Variants in ADAM32 observed in about 807,000 individuals in gnomAD.
ADAM32 encodes the protein disintegrin and metalloproteinase domain-containing protein 32.
Under a neutral mutation model 114.9 loss-of-function variants are expected in ADAM32, and 89 were observed. The ratio of observed to expected loss-of-function variants is 0.77; its 90% CI spans 0.65 to 0.92. The LOEUF (loss-of-function observed/expected upper bound fraction) is 0.92. ADAM32 is among the 40% of genes least tolerant of loss of function. ADAM32 has a pLI of 0.00. For missense variants in ADAM32, 870 were observed against 932.8 expected (o/e 0.93, Z 0.88); for synonymous variants, 285 against 307.5 (o/e 0.93, Z 0.77).
intron 5 of ADAM32, 132 bp from the exon 6 acceptor site, chr8:39,151,245 C>A: frequency 1.4e-6 from 1 of 725,136 alleles, no homozygotes; most frequent in Non-Finnish European, 2.1e-6. Flanking sequence ...TCTTCAGAGT[C>A]ATCTCTAAGA....
chr8:39,272,387 G>A (rs1017101552), intron 20 of ADAM32, among the ~76,000 whole-genome samples: 6 of 152,020 alleles, frequency 3.9e-5, no homozygotes, highest in Admixed American at 1.3e-4. Flanking sequence ...GAAATGCACC[G>A]TTAGGTGATT....
chr8:39,144,544 G>A (rs1409480462), intron 3 of ADAM32, among the ~76,000 whole-genome samples: 3 of 152,190 alleles, frequency 2.0e-5, no homozygotes, highest in Non-Finnish European at 4.4e-5. Context: ...TCCCACAGGG[G>A]GAAATATCCT....
chr8:39,111,720 C>CAAAAAAAAAAAAAAAAAAAAAAGAA (rs1840166990), intron 1 of ADAM32, among the ~76,000 whole-genome samples: 1 of 78,300 alleles, frequency 1.3e-5, no homozygotes, highest in African/African-American at 4.7e-5. Flanking sequence ...GACTCTTTCT[C>CAAAAAAAAAAAAAAAAAAAAAAGAA]AAAAAAAAAA....
At chr8:39,157,834 T>G in intron 6 of ADAM32, 1 of 738,750 alleles carries the variant, frequency 1.4e-6, no homozygotes, top group Non-Finnish European at 2.2e-6. Flanking sequence ...GTGGAGGCAC[T>G]GATCAATTTG....
chr8:39,284,377 G>A (rs865890872), intron 24 of ADAM32, among the ~76,000 whole-genome samples: 79 of 123,570 alleles, frequency 6.4e-4, no homozygotes, highest in African/African-American at 3.5e-3. Context: ...ACACACACAC[G>A]TACACACACA....
intron 16 of ADAM32, among the ~76,000 whole-genome samples, chr8:39,237,802 G>A (rs956907713): frequency 6.6e-6 from 1 of 152,182 alleles, no homozygotes; most frequent in Non-Finnish European, 1.5e-5. Context: ...TACCTGCCCT[G>A]GTAGCTGAAG....
Position 39,160,898 on chromosome 8 carries a change from C to G in ADAM32, c.527C>G (p.Ser176Ter). ...ATATGCTGTTTTCCTTTTTTCTAGT[C>G]AGAACCAGCTGTTCCAGATTTATTT... is the stretch of plus-strand genomic sequence containing the variant. Reference protein sequence around the residue: ...MDDNIFISEKSEPAVPDLFPL... With the variant: ...MDDNIFISEK Residue 176 changes from serine (S) to a stop codon, truncating the protein, a stop_gained and splice_region_variant, in exon 7 of 25, where the codon TCA becomes TGA. Transcript: ENST00000379907. LOFTEE classifies it high-confidence loss of function. The G allele has an allele frequency of 6.3e-7, 1 of 1,586,338 alleles. No homozygotes were observed.
Position 39,239,835 on chromosome 8 carries a change from G to A in ADAM32, c.1818+5753G>A, listed in dbSNP as rs183212810. On this transcript the variant is annotated intron_variant, in intron 16 of 24. Transcript: ENST00000379907. The stretch of plus-strand genomic sequence containing the variant: ...AAACACTTAAAAAAGACAAAGAGGG[G>A]CATTATATAATGATAAAGGGACTAG... Among the ~76,000 whole-genome samples the A allele has an allele frequency of 3.0e-3, 455 of 152,094 alleles. 2 individuals are homozygous for A. Among genetic ancestry groups the A allele is most frequent in the African/African-American group, 9.9e-3 (412 of 41,498 alleles).
At chr8:39,107,549 G>A, upstream of ADAM32, 2 of 1,293,248 alleles carry the variant, frequency 1.5e-6, no homozygotes, top group Non-Finnish European at 1.0e-6. Context: ...GCAACCACGC[G>A]GCTGGGGTGC....
chr8:39,169,257 G>A (rs1025455366), intron 9 of ADAM32: 10 of 152,072 alleles, frequency 6.6e-5, no homozygotes, highest in African/African-American at 2.2e-4. Context: ...AATATGGCTC[G>A]GATTCAGACT....
intron 3 of ADAM32, among the ~76,000 whole-genome samples, chr8:39,144,450 G>C (rs917690580): frequency 6.6e-6 from 1 of 152,248 alleles, no homozygotes; most frequent in African/African-American, 2.4e-5. Flanking sequence ...GGATTTGGTA[G>C]GGTAGAGGGA....
chr8:39,160,344 T>G (rs1804421392), intron 6 of ADAM32, among the ~76,000 whole-genome samples: 1 of 152,006 alleles, frequency 6.6e-6, no homozygotes, highest in Admixed American at 6.5e-5. Flanking sequence ...ATGGAGACCA[T>G]CCTGGCTAAC....
At chr8:39,178,831 C>T in intron 10 of ADAM32, among the ~76,000 whole-genome samples, 1 of 152,182 alleles carries the variant, frequency 6.6e-6, no homozygotes, top group East Asian at 1.9e-4. Flanking sequence ...CCCTAGTTGC[C>T]TCAGTCTCTC....
chr8:39,198,457 AAC>A (rs1189035326), intron 11 of ADAM32, among the ~76,000 whole-genome samples: 1 of 152,020 alleles, frequency 6.6e-6, no homozygotes, highest in Non-Finnish European at 1.5e-5. Context: ...GGCTCACTGC[AAC>A]CTCTGCCTCC....
chr8:39,201,153 C>T (rs188148774), intron 11 of ADAM32, among the ~76,000 whole-genome samples: 4,174 of 152,236 alleles, frequency 0.027, 214 homozygotes, highest in African/African-American at 0.095. Flanking sequence ...TTTTCCATTT[C>T]TGTGAAGAAA....
chr8:39,217,370 A>G (rs765621214), intron 12 of ADAM32, among the ~76,000 whole-genome samples: 4 of 152,024 alleles, frequency 2.6e-5, no homozygotes, highest in Admixed American at 6.6e-5. Flanking sequence ...TTGGTGTTCT[A>G]TAACCTTCTT....
rs1198074424 is a variant in ADAM32 at position 39,232,119 on chromosome 8, G to A, written c.1618G>A (p.Val540Met). ...NCGRDRNNKY[V>M]FCGWRNLICG... ...TGGTAGGGATAGAAATAACAAATAT[G>A]TGTTCTGTGGATGGAGGTATGCTCT... is the stretch of plus-strand genomic sequence containing the variant. Residue 540 changes from valine (V) to methionine (M), a missense_variant, in exon 15 of 25, where the codon GTG becomes ATG. Coordinates refer to ENST00000379907, the MANE Select transcript of ADAM32 (RefSeq NM_145004.7). 1 of 1,600,104 alleles carries A rather than the reference G, an allele frequency of 6.2e-7. No homozygotes were observed. The highest frequency in any genetic ancestry group is 8.6e-7 in the Non-Finnish European group (1 of 1,168,822).
chr8:39,200,068 G>C (rs1484956054), intron 11 of ADAM32, among the ~76,000 whole-genome samples: 1 of 152,154 alleles, frequency 6.6e-6, no homozygotes, highest in Admixed American at 6.5e-5. Context: ...TGTGAATAGT[G>C]CTGCAATAAA....
intron 17 of ADAM32, among the ~76,000 whole-genome samples, chr8:39,253,608 AT>A (rs1811444157): frequency 6.6e-6 from 1 of 151,734 alleles, no homozygotes; most frequent in South Asian, 2.1e-4. Context: ...AAATCAGTTC[AT>A]TTTTATACGT....
Sources: gnomAD v4.1 joint callset for allele counts (sites outside exome capture counted in the v4.1 genomes callset) on GRCh38, gnomAD v4.1.1 for gene constraint, MANE v1.5 for transcripts, NCBI Gene and HGNC (gene_info 2026-07-23, HGNC 2026-07-21) for gene names.